NELL2: variants seen among roughly 807,000 people sequenced by gnomAD.
The protein encoded by NELL2 is protein kinase C-binding protein NELL2.
Under a neutral mutation model 109.6 loss-of-function variants are expected in NELL2, and 41 were observed. The ratio of observed to expected loss-of-function variants is 0.37; its 90% CI spans 0.29 to 0.49. NELL2 has a LOEUF of 0.49. NELL2 is among the 20% of genes least tolerant of loss of function. NELL2 has a pLI of 0.98. For synonymous variants in NELL2, 355 were observed against 344.7 expected (o/e 1.03, Z -0.33); for missense variants, 900 against 1,008.3 (o/e 0.89, Z 1.45).
At chr12:44,536,845 T>C (rs1333712539) in intron 15 of NELL2, among the ~76,000 whole-genome samples, 1 of 151,980 alleles carries the variant, frequency 6.6e-6, no homozygotes, top group African/African-American at 2.4e-5. Context: ...AAAAGATGTT[T>C]AGCCATCCAA....
intron 13 of NELL2, among the ~76,000 whole-genome samples, chr12:44,649,203 T>C (rs1264432152): frequency 1.3e-5 from 2 of 152,088 alleles, no homozygotes; most frequent in South Asian, 4.1e-4. Context: ...TCTCTCTTCC[T>C]CCTTCCCTCC....
At chr12:44,682,914 T>C (rs1948575692) in intron 12 of NELL2, among the ~76,000 whole-genome samples, 3 of 152,304 alleles carry the variant, frequency 2.0e-5, no homozygotes, top group African/African-American at 4.8e-5. Flanking sequence ...TCTTTTTTGG[T>C]TCCATATGAA....
intron 1 of NELL2, among the ~76,000 whole-genome samples, chr12:44,892,390 G>A (rs1945544579): frequency 6.6e-6 from 1 of 151,994 alleles, no homozygotes; most frequent in Non-Finnish European, 1.5e-5. Flanking sequence ...CCCATATAAA[G>A]TGCTTACCAG....
At chr12:44,854,854 G>A (rs1037700761) in intron 2 of NELL2, among the ~76,000 whole-genome samples, 2 of 151,978 alleles carry the variant, frequency 1.3e-5, no homozygotes, top group Non-Finnish European at 2.9e-5. Context: ...ATCTTAAAAT[G>A]ACTATTCCCA....
chr12:44,560,882 G>A (rs1943445786), intron 15 of NELL2, among the ~76,000 whole-genome samples: 1 of 152,134 alleles, frequency 6.6e-6, no homozygotes, highest in South Asian at 2.1e-4. Context: ...AACAAAAAAA[G>A]AAAATTTCAG....
At chr12:44,655,924 T>C (rs1947482374) in intron 13 of NELL2, among the ~76,000 whole-genome samples, 1 of 152,210 alleles carries the variant, frequency 6.6e-6, no homozygotes, top group African/African-American at 2.4e-5. Flanking sequence ...GGCTGATATA[T>C]GCCACAATTT....
intron 2 of NELL2, among the ~76,000 whole-genome samples, chr12:44,848,667 AAG>A (rs113410725): frequency 4.3e-4 from 64 of 149,080 alleles, no homozygotes; most frequent in Non-Finnish European, 4.2e-4. Context: ...CACTTTATAA[AAG>A]AGAGAGAGAG....
At chr12:44,680,435 G>A (rs926253484) in intron 12 of NELL2, among the ~76,000 whole-genome samples, 1 of 152,000 alleles carries the variant, frequency 6.6e-6, no homozygotes, top group East Asian at 1.9e-4. Context: ...ATCTATTTGG[G>A]AATACATTCT....
At chr12:44,524,500 G>A (rs189514388) in intron 16 of NELL2, among the ~76,000 whole-genome samples, 4 of 152,280 alleles carry the variant, frequency 2.6e-5, no homozygotes, top group Admixed American at 2.6e-4. Context: ...CTAGGGCGCT[G>A]TATACTGATT....
intron 3 of NELL2, among the ~76,000 whole-genome samples, chr12:44,787,140 T>C (rs759457930): frequency 2.0e-5 from 3 of 152,076 alleles, no homozygotes; most frequent in Non-Finnish European, 4.4e-5. Flanking sequence ...CAAAAATACA[T>C]GGATACCAAA....
chr12:44,655,721 A>C (rs1270786284), intron 13 of NELL2, among the ~76,000 whole-genome samples: 1 of 152,134 alleles, frequency 6.6e-6, no homozygotes, highest in Non-Finnish European at 1.5e-5. Flanking sequence ...TTTCATCATT[A>C]ATTCTTTGAG....
intron 9 of NELL2, among the ~76,000 whole-genome samples, chr12:44,746,078 T>C (rs376170886): frequency 2.4e-4 from 37 of 152,150 alleles, no homozygotes; most frequent in Non-Finnish European, 4.7e-4. Context: ...CAAAACAGCA[T>C]GGTACTGGTA....
At chr12:44,798,861 G>C (rs561833829) in intron 3 of NELL2, among the ~76,000 whole-genome samples, 25 of 147,576 alleles carry the variant, frequency 1.7e-4, no homozygotes, top group African/African-American at 6.3e-4. Flanking sequence ...TTAATGCATA[G>C]AGAAAAAAAC....
intron 14 of NELL2, among the ~76,000 whole-genome samples, chr12:44,608,237 G>A (rs1161733651): frequency 6.6e-6 from 1 of 152,036 alleles, no homozygotes; most frequent in African/African-American, 2.4e-5. Flanking sequence ...TTTCTGGCAT[G>A]TGCTTCCTCT....
chr12:44,537,289 T>C (rs1202345662), intron 15 of NELL2, among the ~76,000 whole-genome samples: 1 of 152,116 alleles, frequency 6.6e-6, no homozygotes, highest in Non-Finnish European at 1.5e-5. Context: ...ACCCTCTTTC[T>C]CATGCATAGT....
chr12:44,739,781 C>T (rs1196237802), intron 9 of NELL2, among the ~76,000 whole-genome samples: 2 of 152,080 alleles, frequency 1.3e-5, no homozygotes, highest in African/African-American at 2.4e-5. Flanking sequence ...ATCACAGCTA[C>T]TCAGGAGACT....
At chr12:44,612,205 A>G (rs1370543245) in intron 13 of NELL2, among the ~76,000 whole-genome samples, 1 of 152,038 alleles carries the variant, frequency 6.6e-6, no homozygotes, top group Non-Finnish European at 1.5e-5. Context: ...AGGTTAGACT[A>G]AAATCACTTA....
At chr12:44,530,554 T>C (rs1225904099) in intron 16 of NELL2, among the ~76,000 whole-genome samples, 7 of 152,326 alleles carry the variant, frequency 4.6e-5, no homozygotes, top group East Asian at 1.9e-4. Context: ...GATGTACTTA[T>C]TGACTTGATG....
chr12:44,697,073 A>G (rs1949082168), intron 12 of NELL2, among the ~76,000 whole-genome samples: 1 of 152,240 alleles, frequency 6.6e-6, no homozygotes, highest in South Asian at 2.1e-4. Flanking sequence ...TAGGCTAATA[A>G]TAGTTGTAAA....
Sources: gnomAD v4.1 joint callset for allele counts (sites outside exome capture counted in the v4.1 genomes callset) on GRCh38, gnomAD v4.1.1 for gene constraint, MANE v1.5 for transcripts, NCBI Gene and HGNC (gene_info 2026-07-23, HGNC 2026-07-21) for gene names.